MICU1: variants seen among roughly 807,000 people sequenced by gnomAD.
MICU1 encodes the protein mitochondrial calcium uptake 1.
A neutral mutation model predicts 56.8 loss-of-function variants in MICU1; 45 were observed. That is an observed-to-expected ratio of 0.79 (90% CI 0.62 to 1.02). The LOEUF (loss-of-function observed/expected upper bound fraction) is 1.02. Ranked by LOEUF, MICU1 falls within the 50% of genes least tolerant of loss-of-function variation. The pLI, the probability that MICU1 is intolerant of heterozygous loss-of-function variation, is 0.00. For synonymous variants in MICU1, 186 were observed against 195.1 expected (o/e 0.95, Z 0.39); for missense variants, 504 against 587.1 (o/e 0.86, Z 1.46).
At chr10:72,622,714 GGACTTT>G (rs1256111690) in intron 1 of MICU1, among the ~76,000 whole-genome samples, 2 of 152,014 alleles carry the variant, frequency 1.3e-5, no homozygotes, top group East Asian at 3.8e-4. Flanking sequence ...AGATAAATTA[GGACTTT>G]GACTTTCAAT....
intron 5 of MICU1, among the ~76,000 whole-genome samples, chr10:72,530,083 T>C (rs188520984): frequency 3.3e-5 from 5 of 150,646 alleles, no homozygotes; most frequent in Admixed American, 6.6e-5. Context: ...ATCGCAACAC[T>C]TCGGGAGGCC....
At chr10:72,535,496 G>C (rs930138988) in intron 4 of MICU1, among the ~76,000 whole-genome samples, 1 of 152,140 alleles carries the variant, frequency 6.6e-6, no homozygotes, top group African/African-American at 2.4e-5. Flanking sequence ...TTCTCATTCA[G>C]AAACAGGGAG....
chr10:72,422,257 T>C (rs1170639167), intron 9 of MICU1, among the ~76,000 whole-genome samples: 2 of 152,190 alleles, frequency 1.3e-5, no homozygotes, highest in South Asian at 2.1e-4. Context: ...TGAGGACACA[T>C]TGAAAAGGCA....
At chr10:72,500,270 A>G (rs1866985737) in intron 6 of MICU1, among the ~76,000 whole-genome samples, 1 of 10,234 alleles carries the variant, frequency 9.8e-5, no homozygotes, top group Non-Finnish European at 3.6e-4. Context: ...ACATATATAT[A>G]TATATATATA....
rs147344495 is a variant in MICU1 at position 72,451,538 on chromosome 10, A to C, written c.933+23562T>G. Among the ~76,000 whole-genome samples, 428 of 152,236 alleles carry C rather than the reference A, an allele frequency of 2.8e-3. 3 individuals are homozygous for C. The highest frequency in any genetic ancestry group is 9.7e-3 in the African/African-American group (404 of 41,536). On this transcript the variant is annotated intron_variant, in intron 8 of 11. Transcript: ENST00000361114. ...GAACTAGATGTAACACAGAAGATGA[A>C]GATAATCTTTTTTGTTGTTTTTTAA...
intron 8 of MICU1, 95 bp from the exon 9 acceptor site, chr10:72,423,466 G>T: frequency 1.4e-6 from 2 of 1,379,532 alleles, no homozygotes; most frequent in Non-Finnish European, 2.0e-6. Context: ...GCAGAAAATA[G>T]CTGATGACTG....
chr10:72,410,686 G>A (rs1402435590), intron 9 of MICU1, among the ~76,000 whole-genome samples: 1 of 152,140 alleles, frequency 6.6e-6, no homozygotes, highest in Non-Finnish European at 1.5e-5. Context: ...TGTACCAAGT[G>A]TTGTAATTTT....
At chr10:72,542,943 GTCTC>G in intron 4 of MICU1, among the ~76,000 whole-genome samples, 1 of 152,234 alleles carries the variant, frequency 6.6e-6, no homozygotes, top group Non-Finnish European at 1.5e-5. Context: ...AAGTCCAGCT[GTCTC>G]TGGCTGGACT....
chr10:72,625,761 G>A (rs1842213451), intron 1 of MICU1, among the ~76,000 whole-genome samples: 1 of 152,216 alleles, frequency 6.6e-6, no homozygotes, highest in African/African-American at 2.4e-5. Context: ...CCCGGGACGG[G>A]AGAAGGGACG....
chr10:72,594,214 G>T (rs1402730867), intron 1 of MICU1, among the ~76,000 whole-genome samples: 1 of 152,176 alleles, frequency 6.6e-6, no homozygotes, highest in Non-Finnish European at 1.5e-5. Flanking sequence ...CACATACGTG[G>T]TCACATGATT....
At chr10:72,400,314 T>C (rs962630010) in intron 10 of MICU1, among the ~76,000 whole-genome samples, 1 of 152,232 alleles carries the variant, frequency 6.6e-6, no homozygotes, top group African/African-American at 2.4e-5. Context: ...TTCTATTTTG[T>C]ACGCCCTATA....
intron 6 of MICU1, among the ~76,000 whole-genome samples, chr10:72,500,251 TAC>T (rs1866979104): frequency 1.8e-5 from 1 of 54,362 alleles, no homozygotes; most frequent in African/African-American, 1.1e-4. Flanking sequence ...ATTATATACA[TAC>T]ATACATACAT....
intron 6 of MICU1, among the ~76,000 whole-genome samples, chr10:72,493,100 C>A (rs1866718555): frequency 6.6e-6 from 1 of 152,100 alleles, no homozygotes; most frequent in African/African-American, 2.4e-5. Context: ...CTGCTTACCC[C>A]CCAAACATCC....
At chr10:72,413,870 T>G (rs1244825857) in intron 9 of MICU1, among the ~76,000 whole-genome samples, 1 of 152,154 alleles carries the variant, frequency 6.6e-6, no homozygotes, top group East Asian at 1.9e-4. Context: ...GAATGGCTAA[T>G]AAGTACATGA....
chr10:72,469,191 C>T (rs1344822050), intron 8 of MICU1, among the ~76,000 whole-genome samples: 2 of 152,212 alleles, frequency 1.3e-5, no homozygotes, highest in East Asian at 1.9e-4. Flanking sequence ...TCCCTTTTCT[C>T]TGACCCCTCT....
At chr10:72,586,515 G>A (rs1841065129) in intron 1 of MICU1, among the ~76,000 whole-genome samples, 1 of 152,016 alleles carries the variant, frequency 6.6e-6, no homozygotes, top group African/African-American at 2.4e-5. Context: ...AGCCGGGCAT[G>A]GTGGTGCATG....
rs571257805 is a variant in MICU1 at position 72,391,066 on chromosome 10, A to T, written c.1181-15194T>A. The stretch of plus-strand genomic sequence containing the variant: ...TATGTAGATTTAGTCTCACAACCCT[A>T]TGAGGTGGGTCCAGTTGGTCCTTCA... On this transcript the variant is annotated intron_variant, in intron 10 of 11. Coordinates refer to ENST00000361114, the MANE Select transcript of MICU1 (RefSeq NM_001195518.2). Among the ~76,000 whole-genome samples, 3 of 152,350 alleles carry T rather than the reference A, an allele frequency of 2.0e-5. No individual in the cohort carries two copies. In the East Asian group the frequency reaches 5.8e-4, roughly 29 times the overall value.
At chr10:72,424,905 A>C (rs745800271) in intron 8 of MICU1, among the ~76,000 whole-genome samples, 4 of 152,184 alleles carry the variant, frequency 2.6e-5, no homozygotes, top group Non-Finnish European at 5.9e-5. Context: ...CAACATCATC[A>C]ATATTAGGTG....
At chr10:72,535,356 G>A (rs1195247954) in intron 4 of MICU1, among the ~76,000 whole-genome samples, 3 of 151,920 alleles carry the variant, frequency 2.0e-5, no homozygotes, top group Non-Finnish European at 2.9e-5. Context: ...TTAATGTACT[G>A]TCAAAAGATG....
Sources: allele counts gnomAD v4.1 joint callset (sites outside exome capture counted in the v4.1 genomes callset), GRCh38; gene constraint gnomAD v4.1.1; transcripts MANE v1.5; gene names NCBI Gene and HGNC (gene_info 2026-07-23, HGNC 2026-07-21).